Variants in ACSM3 observed in about 807,000 individuals in gnomAD.
ACSM3 encodes the protein acyl-CoA synthetase medium chain family member 3.
A neutral mutation model predicts 74.1 loss-of-function variants in ACSM3; 61 were observed. The ratio of observed to expected loss-of-function variants is 0.82; its 90% CI spans 0.67 to 1.02. The LOEUF (loss-of-function observed/expected upper bound fraction) is 1.02, where lower values mean the gene tolerates loss of function less well. ACSM3 is among the 50% of genes least tolerant of loss of function. The pLI, the probability that ACSM3 is intolerant of heterozygous loss-of-function variation, is 0.00. For missense variants in ACSM3, 660 were observed against 697.0 expected (o/e 0.95, Z 0.60); for synonymous variants, 213 against 241.5 (o/e 0.88, Z 1.09).
intron 1 of ACSM3, chr16:20,682,376 G>GT: frequency 6.2e-7 from 1 of 1,613,956 alleles, no homozygotes; most frequent in Non-Finnish European, 8.5e-7. Context: ...GGCATCTATG[G>GT]TCACAATGCC....
chr16:20,738,551 ACTT>A (rs1177072112), intron 1 of ACSM3, among the ~76,000 whole-genome samples: 1 of 152,168 alleles, frequency 6.6e-6, no homozygotes, highest in Non-Finnish European at 1.5e-5. Context: ...CAGATTTCAA[ACTT>A]CTTTTGAGAA....
At chr16:20,685,416 ATATAT>A in intron 1 of ACSM3, 2 of 1,611,990 alleles carry the variant, frequency 1.2e-6, no homozygotes, top group Non-Finnish European at 1.7e-6. Context: ...GGTCAAGACC[ATATAT>A]TATGTGTTAT....
At chr16:20,696,428 T>G (rs1372439510) in intron 1 of ACSM3, among the ~76,000 whole-genome samples, 1 of 152,226 alleles carries the variant, frequency 6.6e-6, no homozygotes, top group Non-Finnish European at 1.5e-5. Flanking sequence ...TTCCCTTCTT[T>G]GTCATAATTC....
chr16:20,741,927 C>T, intron 1 of ACSM3: 1 of 1,533,708 alleles, frequency 6.5e-7, no homozygotes. Flanking sequence ...GAGTGATACC[C>T]GCCCAAGCCC....
At chr16:20,700,680 C>G (rs992596592) in intron 1 of ACSM3, among the ~76,000 whole-genome samples, 1 of 151,812 alleles carries the variant, frequency 6.6e-6, no homozygotes, top group African/African-American at 2.4e-5. Context: ...GGATTCTATT[C>G]TAAGTGCAAT....
intron 1 of ACSM3, chr16:20,690,982 C>T (rs537482302): frequency 8.1e-6 from 13 of 1,604,468 alleles, no homozygotes; most frequent in East Asian, 6.8e-5. Flanking sequence ...ATCGCCATCA[C>T]GGCAGATCTC....
At chr16:20,786,360 C>T in intron 9 of ACSM3, 4 of 1,070,608 alleles carry the variant, frequency 3.7e-6, no homozygotes, top group Non-Finnish European at 5.1e-6. Context: ...CCATATTGTA[C>T]CATACAGTTC....
rs532870751 is a variant in ACSM3 at position 20,714,688 on chromosome 16, G to A, written c.-189-35222G>A. Reference sequence around the variant, plus strand: ...AGGTGATCAGTGGGTGGGTACCATCGGTTGGAGAGAGAGAGAGAGACAGTC... The same window carrying A: ...AGGTGATCAGTGGGTGGGTACCATCAGTTGGAGAGAGAGAGAGAGACAGTC... On this transcript the variant is annotated intron_variant, in intron 1 of 3. Transcript: ENST00000561584. Among the ~76,000 whole-genome samples the A allele has an allele frequency of 6.6e-5, 10 of 152,226 alleles. No homozygotes were observed. In the East Asian group the frequency reaches 1.5e-3, roughly 23 times the overall value.
chr16:20,725,051 C>CA (rs953803220), intron 1 of ACSM3, among the ~76,000 whole-genome samples: 48 of 152,022 alleles, frequency 3.2e-4, no homozygotes, highest in Non-Finnish European at 4.9e-4. Flanking sequence ...TATATGGAAC[C>CA]AAAAAAGAGC....
intron 1 of ACSM3, chr16:20,681,815 T>A (rs2079451954): frequency 6.4e-6 from 1 of 156,504 alleles, no homozygotes; most frequent in South Asian, 1.9e-4. Context: ...GAGAAAGAGG[T>A]GGAGTCCTTT....
chr16:20,750,867 C>T (rs893362138), intron 2 of ACSM3, among the ~76,000 whole-genome samples: 2 of 23,028 alleles, frequency 8.7e-5, no homozygotes, highest in Admixed American at 3.7e-4. Context: ...TTTTTTGAAA[C>T]GGAGTCTTAC....
At chr16:20,707,715 G>A (rs1289505137) in intron 1 of ACSM3, among the ~76,000 whole-genome samples, 1 of 152,192 alleles carries the variant, frequency 6.6e-6, no homozygotes, top group Non-Finnish European at 1.5e-5. Context: ...AACTTGTACT[G>A]CCTGGGAACT....
chr16:20,764,283 G>A (rs528588233), intron 1 of ACSM3, among the ~76,000 whole-genome samples, 158 bp downstream of exon 1: 1 of 152,332 alleles, frequency 6.6e-6, no homozygotes, highest in South Asian at 2.1e-4. Context: ...TCAGTTGTGT[G>A]ATACTATCTA....
chr16:20,683,607 C>T (rs1430035426), intron 1 of ACSM3, among the ~76,000 whole-genome samples: 2 of 150,022 alleles, frequency 1.3e-5, no homozygotes, highest in African/African-American at 2.5e-5. Flanking sequence ...GTTTCTAATC[C>T]TCTTTAATTC....
chr16:20,750,140 G>A (rs182806604), intron 2 of ACSM3: 1 of 152,264 alleles, frequency 6.6e-6, no homozygotes, highest in African/African-American at 2.4e-5. Context: ...ACAAAAATTG[G>A]GGGAAAAAGT....
chr16:20,795,583 A>C lies in ACSM3; in HGVS notation c.1555-787A>C, dbSNP rs192597269. The stretch of plus-strand genomic sequence containing the variant: ...GAATTTAATAAGATTTCAGGCACCT[A>C]AGTGCAGGATACTTAATCATAAAAA... On this transcript the variant is annotated intron_variant, in intron 12 of 13. Coordinates refer to ENST00000289416, the MANE Select transcript of ACSM3 (RefSeq NM_005622.4). 3.0e-3 allele frequency among the ~76,000 whole-genome samples: 452 copies of C among 152,312 alleles called. 1 individual carries two copies. The highest frequency in any genetic ancestry group is 3.5e-3 in the Non-Finnish European group (238 of 68,030).
chr16:20,781,712 T>C lies in ACSM3; in HGVS notation c.944T>C (p.Leu315Pro). 6.2e-7 allele frequency: 1 copy of C among 1,611,970 alleles called. No individual in the cohort carries two copies. Among genetic ancestry groups the C allele is most frequent in the Non-Finnish European group, 8.5e-7 (1 of 1,178,082 alleles). Residue 315 changes from leucine to proline, a missense_variant, in exon 7 of 14, where the codon CTC becomes CCC. Physicochemically the swap from Leu to Pro is moderately conservative, Grantham distance 98 (BLOSUM62 -3). Coordinates refer to ENST00000289416, the MANE Select transcript of ACSM3 (RefSeq NM_005622.4). The part of the protein sequence containing the change: ...RFEPTSILQT[L>P]SKYPITVFCS... ...TTTGCTTTTTCTAAATTGCAGACAC[T>C]CTCCAAGTACCCCATCACAGTCTTC...
chr16:20,782,290 G>C (rs1048497033), intron 7 of ACSM3, among the ~76,000 whole-genome samples: 4 of 152,020 alleles, frequency 2.6e-5, no homozygotes, highest in Middle Eastern at 3.2e-3. Context: ...GTGGTGTTTG[G>C]TTACATGAAT....
At chr16:20,742,813 A>ATATATATATATATATT (rs61582869) in intron 1 of ACSM3, among the ~76,000 whole-genome samples, 19 of 66,824 alleles carry the variant, frequency 2.8e-4, no homozygotes, top group East Asian at 1.0e-3. Flanking sequence ...ATATATATAT[A>ATATATATATATATATT]TTTTTTTTTT....
Sources: allele counts gnomAD v4.1 joint callset (sites outside exome capture counted in the v4.1 genomes callset), GRCh38; gene constraint gnomAD v4.1.1; transcripts MANE v1.5; gene names NCBI Gene and HGNC (gene_info 2026-07-23, HGNC 2026-07-21).